HACE1: variants seen among roughly 807,000 people sequenced by gnomAD.
HACE1 encodes the protein E3 ubiquitin-protein ligase HACE1.
A neutral mutation model predicts 118.4 loss-of-function variants in HACE1; 73 were observed. That is an observed-to-expected ratio of 0.62 (90% confidence interval 0.51 to 0.75). HACE1 has a LOEUF of 0.75. Among genes scored for constraint, HACE1 ranks in the 30% least tolerant of loss-of-function variants. The pLI is 0.00. For synonymous variants in HACE1, 368 were observed against 374.8 expected (o/e 0.98, Z 0.21); for missense variants, 749 against 1,102.2 (o/e 0.68, Z 4.54).
At chr6:104,789,149 T>C (rs538164547) in intron 11 of HACE1, among the ~76,000 whole-genome samples, 1 of 152,236 alleles carries the variant, frequency 6.6e-6, no homozygotes, top group Admixed American at 6.5e-5. Context: ...TGGATGACAA[T>C]GTACAGTTTC....
At chr6:104,734,191 T>A (rs1321305814) in intron 22 of HACE1, among the ~76,000 whole-genome samples, 1 of 145,858 alleles carries the variant, frequency 6.9e-6, no homozygotes, top group Non-Finnish European at 1.5e-5. Context: ...TCTTAAGGGA[T>A]AATGAAACAG....
At chr6:104,856,817 T>C (rs919428895) in intron 1 of HACE1, among the ~76,000 whole-genome samples, 1 of 152,210 alleles carries the variant, frequency 6.6e-6, no homozygotes, top group Non-Finnish European at 1.5e-5. Flanking sequence ...AGAATATTCC[T>C]GTGTTAGGCC....
rs147561219 is a variant in HACE1 at position 104,784,427 on chromosome 6, A to C, written c.1468T>G (p.Phe490Val). Residue 490 changes from phenylalanine to valine, a missense_variant, in exon 13 of 24, where the codon TTT becomes GTT. Around this residue, in one of 5 missense-constraint regions of HACE1, gnomAD observed 195 missense variants for 322.1 expected, o/e 0.61. Coordinates refer to ENST00000262903, the MANE Select transcript of HACE1 (RefSeq NM_020771.4). ...ACCCAGAAAGCTTACCTATTAACAAAGCATTTTAAAACTTCATCATGTTTG... is the reference window on the plus strand; with the variant it reads ...ACCCAGAAAGCTTACCTATTAACAACGCATTTTAAAACTTCATCATGTTTG... The part of the protein sequence containing the change: ...VCKHDEVLKC[F>V]VNRNPKIIFD... 1 of 1,609,560 alleles carries C rather than the reference A, an allele frequency of 6.2e-7. No homozygotes were observed. The highest frequency in any genetic ancestry group is 1.3e-5 in the African/African-American group (1 of 74,932).
At chr6:104,786,723 A>T (rs1782455647) in intron 11 of HACE1, 1 of 152,082 alleles carries the variant, frequency 6.6e-6, no homozygotes, top group African/African-American at 2.4e-5. Flanking sequence ...CCTTCATCCT[A>T]CACTATTTTA....
chr6:104,785,813 A>T (rs1282939589), intron 11 of HACE1: 1 of 152,892 alleles, frequency 6.5e-6, no homozygotes, highest in Non-Finnish European at 1.5e-5. Context: ...TCAATTAAAC[A>T]AATGTCTTTT....
intron 11 of HACE1, among the ~76,000 whole-genome samples, chr6:104,788,455 G>C (rs1198268666): frequency 6.6e-6 from 1 of 152,024 alleles, no homozygotes; most frequent in Non-Finnish European, 1.5e-5. Flanking sequence ...TTCAAGAAGT[G>C]CTGAAATGAG....
intron 22 of HACE1, among the ~76,000 whole-genome samples, chr6:104,741,950 G>T (rs74605349): frequency 2.6e-5 from 4 of 151,860 alleles, no homozygotes; most frequent in East Asian, 1.9e-4. Context: ...ATGGTACTGG[G>T]ACCAAAACAG....
intron 7 of HACE1, among the ~76,000 whole-genome samples, chr6:104,800,589 T>C (rs894711049): frequency 6.6e-6 from 1 of 152,224 alleles, no homozygotes; most frequent in African/African-American, 2.4e-5. Flanking sequence ...GGGTCTGGAA[T>C]GGACCTCCAG....
chr6:104,771,094 T>C, intron 19 of HACE1, 99 bp downstream of exon 19: 1 of 832,226 alleles, frequency 1.2e-6, no homozygotes, highest in Non-Finnish European at 2.1e-6. Context: ...ACTGTAATAG[T>C]AAAAGTTTTT....
chr6:104,835,659 A>C (rs1266391309), intron 5 of HACE1, among the ~76,000 whole-genome samples: 1 of 152,152 alleles, frequency 6.6e-6, no homozygotes, highest in Non-Finnish European at 1.5e-5. Flanking sequence ...GAAATCATGA[A>C]AGTAATAATT....
At chr6:104,744,317 C>T in intron 21 of HACE1, 87 bp from the exon 22 acceptor site, 1 of 923,586 alleles carries the variant, frequency 1.1e-6, no homozygotes, top group Non-Finnish European at 1.8e-6. Context: ...ATTCATAAAG[C>T]ACATTTTATT....
At chr6:104,803,178 T>C (rs1010298461) in intron 7 of HACE1, among the ~76,000 whole-genome samples, 3 of 152,000 alleles carry the variant, frequency 2.0e-5, no homozygotes, top group African/African-American at 7.3e-5. Context: ...AATAATAGGC[T>C]CTGAAATTGA....
chr6:104,785,526 C>A (rs1198729593), intron 11 of HACE1: 4 of 528,004 alleles, frequency 7.6e-6, no homozygotes, highest in African/African-American at 3.8e-5. Context: ...TCATTTATGG[C>A]AATAATTTAA....
chr6:104,853,268 G>C (rs1188630797), intron 1 of HACE1, among the ~76,000 whole-genome samples: 2 of 152,142 alleles, frequency 1.3e-5, no homozygotes, highest in African/African-American at 2.4e-5. Flanking sequence ...AAATACATTT[G>C]TTTTCTTTAC....
intron 4 of HACE1, 95 bp from the exon 5 acceptor site, chr6:104,843,393 C>T: frequency 1.3e-6 from 1 of 750,154 alleles, no homozygotes; most frequent in South Asian, 1.4e-5. Context: ...TCAATAACAG[C>T]TGATGACATC....
chr6:104,854,572 G>A (rs1292873665), intron 1 of HACE1, among the ~76,000 whole-genome samples: 13 of 146,954 alleles, frequency 8.8e-5, no homozygotes, highest in Non-Finnish European at 1.7e-4. Flanking sequence ...TCAACCATAC[G>A]TAATATGTAG....
chr6:104,756,426 AATATAT>A (rs143518205), intron 19 of HACE1, among the ~76,000 whole-genome samples: 41 of 105,952 alleles, frequency 3.9e-4, no homozygotes, highest in Middle Eastern at 4.9e-3. Context: ...AAAAAAAAAA[AATATAT>A]ATATATATAT....
In HACE1 at chr6:104,850,918, G is replaced by A; in HGVS notation, c.210C>T (p.His70=). 1 of 1,599,618 alleles carries A rather than the reference G, an allele frequency of 6.3e-7. No homozygotes were observed. The highest frequency in any genetic ancestry group is 8.6e-7 in the Non-Finnish European group (1 of 1,166,784). ...AFGRVKRSLL[H]IAANCGSVEC... ...ATCTTTAGTCTTACTTTGCTGCAAT[G>A]TGAAGCAAGCTTCTTTTCACACGTC... is the stretch of plus-strand genomic sequence containing the variant. The change falls in exon 3 of 24, where the codon CAC becomes CAT. Residue 70 remains histidine, a synonymous_variant. Coordinates refer to ENST00000262903, the MANE Select transcript of HACE1 (RefSeq NM_020771.4).
intron 1 of HACE1, among the ~76,000 whole-genome samples, chr6:104,853,020 C>A (rs2114338241): frequency 6.6e-6 from 1 of 152,214 alleles, no homozygotes; most frequent in Non-Finnish European, 1.5e-5. Flanking sequence ...ACCAAAAGTT[C>A]ATGTGTTGGA....
Sources: allele counts gnomAD v4.1 joint callset (sites outside exome capture counted in the v4.1 genomes callset), GRCh38; gene constraint gnomAD v4.1.1; regional missense constraint gnomAD v4.1.1; transcripts MANE v1.5; gene names NCBI Gene and HGNC (gene_info 2026-07-23, HGNC 2026-07-21).